SLC24A2: variants seen among roughly 807,000 people sequenced by gnomAD.
SLC24A2 encodes sodium/potassium/calcium exchanger 2.
Under a neutral mutation model 62.0 loss-of-function variants are expected in SLC24A2, and 36 were observed. The observed-to-expected ratio is 0.58, with a 90% confidence interval of 0.44 to 0.77. The LOEUF is 0.77. Among genes scored for constraint, SLC24A2 ranks in the 30% least tolerant of loss-of-function variants. The pLI is 0.00. For synonymous variants in SLC24A2, 358 were observed against 294.0 expected (o/e 1.22, Z -2.23); for missense variants, 846 against 817.9 (o/e 1.03, Z -0.42).
chr9:19,977,240 C>CTGCT, the SLC24A2 span, among the ~76,000 whole-genome samples: 1 of 151,892 alleles, frequency 6.6e-6, no homozygotes, highest in Non-Finnish European at 1.5e-5. Context: ...GCTCCTTGTA[C>CTGCT]TGCTTTAGCT....
At chr9:19,688,113 G>A (rs917584698) in intron 2 of SLC24A2, among the ~76,000 whole-genome samples, 1 of 152,054 alleles carries the variant, frequency 6.6e-6, no homozygotes, top group African/African-American at 2.4e-5. Flanking sequence ...AATTTGTTCA[G>A]CTTGTAGCTT....
At chr9:19,808,196 G>A in the SLC24A2 span, among the ~76,000 whole-genome samples, 2 of 152,232 alleles carry the variant, frequency 1.3e-5, no homozygotes, top group Admixed American at 6.5e-5. The surrounding 1 kb of genome is among the most constrained non-coding windows in gnomAD (Gnocchi z 4.1). Context: ...GAAGGTGCCC[G>A]AAATAAAACC....
At chr9:19,661,658 A>T (rs895526593) in intron 2 of SLC24A2, among the ~76,000 whole-genome samples, 2 of 152,214 alleles carry the variant, frequency 1.3e-5, no homozygotes, top group African/African-American at 4.8e-5. Context: ...AAAGGGTGTG[A>T]CAGGAATAAT....
the SLC24A2 span, among the ~76,000 whole-genome samples, chr9:20,086,116 G>T: frequency 1.3e-5 from 2 of 152,118 alleles, no homozygotes; most frequent in East Asian, 1.9e-4. Context: ...GAAACTCTTT[G>T]TTAGAGTCAA....
chr9:20,124,246 A>T, the SLC24A2 span, among the ~76,000 whole-genome samples: 1 of 152,022 alleles, frequency 6.6e-6, no homozygotes, highest in Non-Finnish European at 1.5e-5. Flanking sequence ...ATGGTGTTTG[A>T]TTATAGTAGG....
the SLC24A2 span, among the ~76,000 whole-genome samples, chr9:19,882,597 G>A: frequency 6.5e-4 from 98 of 151,410 alleles, no homozygotes; most frequent in African/African-American, 2.2e-3. Flanking sequence ...GTTCAGCGCT[G>A]CCACTGTCAG....
At chr9:19,634,480 G>A (rs746601080) in intron 2 of SLC24A2, among the ~76,000 whole-genome samples, 5 of 152,014 alleles carry the variant, frequency 3.3e-5, no homozygotes, top group Non-Finnish European at 5.9e-5. Flanking sequence ...TAGAGATGGG[G>A]TTTCTCCATG....
At chr9:19,567,861 G>A (rs1005914299) in intron 7 of SLC24A2, among the ~76,000 whole-genome samples, 2 of 152,156 alleles carry the variant, frequency 1.3e-5, no homozygotes, top group Non-Finnish European at 2.9e-5. Context: ...ATATACAAAT[G>A]AAGCAAAAAC....
the SLC24A2 span, among the ~76,000 whole-genome samples, chr9:20,057,837 C>T: frequency 5.3e-5 from 8 of 152,124 alleles, no homozygotes; most frequent in African/African-American, 9.7e-5. Context: ...AACTGAGGCT[C>T]ATAGAGAATA....
the SLC24A2 span, among the ~76,000 whole-genome samples, chr9:20,282,994 G>T: frequency 2.0e-5 from 3 of 152,224 alleles, no homozygotes; most frequent in Admixed American, 6.5e-5. Context: ...AACATGTTAA[G>T]ACTGTTAATA....
rs182924931 is a variant in SLC24A2, at chr9:19,615,818, C to T, written c.1078+3766G>A. Among the ~76,000 whole-genome samples, 139 of 152,284 alleles carry T rather than the reference C, an allele frequency of 9.1e-4. 1 individual carries two copies. The Middle Eastern group carries it at 0.02, about 22-fold the overall frequency. On this transcript the variant is annotated intron_variant, in intron 4 of 10. Coordinates refer to ENST00000341998, the MANE Select transcript of SLC24A2 (RefSeq NM_020344.4). ...TTTTGGAAAATCACTGATGGCCCAA[C>T]TCTGAGACAACCTAGATTCACTTTC...
intron 2 of SLC24A2, among the ~76,000 whole-genome samples, chr9:19,754,455 C>G (rs1383718974): frequency 6.6e-6 from 1 of 152,202 alleles, no homozygotes; most frequent in Non-Finnish European, 1.5e-5. Flanking sequence ...TGCCCAGTGT[C>G]TATTCCACTT....
the SLC24A2 span, among the ~76,000 whole-genome samples, chr9:20,250,902 C>T: frequency 5.9e-5 from 9 of 152,264 alleles, no homozygotes; most frequent in East Asian, 1.2e-3. Context: ...TTCTGAGCAT[C>T]CCTGTAAGCT....
the SLC24A2 span, among the ~76,000 whole-genome samples, chr9:19,883,388 A>C: frequency 5.9e-5 from 9 of 152,204 alleles, no homozygotes; most frequent in Non-Finnish European, 1.2e-4. Flanking sequence ...TAATAGAGAT[A>C]AGAAATTTGT....
intron 2 of SLC24A2, among the ~76,000 whole-genome samples, chr9:19,761,327 T>C (rs1233888747): frequency 6.6e-6 from 1 of 152,184 alleles, no homozygotes. Context: ...ATCTGTTGTT[T>C]CCTGACTTTT....
At chr9:19,734,171 G>A in intron 2 of SLC24A2, among the ~76,000 whole-genome samples, 1 of 152,134 alleles carries the variant, frequency 6.6e-6, no homozygotes, top group Non-Finnish European at 1.5e-5. Context: ...GTTTTTGTCA[G>A]GTTTGTCAAA....
At chr9:19,525,288 A>T (rs1397909831) in intron 9 of SLC24A2, among the ~76,000 whole-genome samples, 1 of 151,430 alleles carries the variant, frequency 6.6e-6, no homozygotes, top group South Asian at 2.1e-4. Flanking sequence ...TGCTAGTAAC[A>T]TGTATTCTTT....
At chr9:19,676,789 G>T (rs1819574039) in intron 2 of SLC24A2, among the ~76,000 whole-genome samples, 1 of 152,130 alleles carries the variant, frequency 6.6e-6, no homozygotes, top group Non-Finnish European at 1.5e-5. Flanking sequence ...GCTTTGGAAA[G>T]AAACTATTTT....
At chr9:20,301,795 G>A in the SLC24A2 span, among the ~76,000 whole-genome samples, 6 of 152,094 alleles carry the variant, frequency 3.9e-5, no homozygotes, top group East Asian at 1.9e-4. Context: ...TCTTGGTGTT[G>A]TACATTCTGT....
Sources: gnomAD v4.1 joint callset for allele counts (sites outside exome capture counted in the v4.1 genomes callset) on GRCh38, gnomAD v4.1.1 for gene constraint, Gnocchi (gnomAD v3.1) non-coding constraint, MANE v1.5 for transcripts, NCBI Gene and HGNC (gene_info 2026-07-23, HGNC 2026-07-21) for gene names.